Variants in KIRREL3 observed in about 807,000 individuals in gnomAD.
KIRREL3 encodes the protein kin of IRRE-like protein 3.
A neutral mutation model predicts 89.7 loss-of-function variants in KIRREL3; 36 were observed. That is an observed-to-expected ratio of 0.40 (90% CI 0.31 to 0.53). The LOEUF (loss-of-function observed/expected upper bound fraction) is 0.53, where lower values mean the gene tolerates loss of function less well. Among genes scored for constraint, KIRREL3 ranks in the 20% least tolerant of loss-of-function variants. The pLI is 0.49. For missense variants in KIRREL3, 864 were observed against 1,056.6 expected (o/e 0.82, Z 2.53); for synonymous variants, 445 against 441.4 (o/e 1.01, Z -0.10).
At chr11:126,559,303 T>C (rs1939937095) in intron 2 of KIRREL3, among the ~76,000 whole-genome samples, 2 of 152,206 alleles carry the variant, frequency 1.3e-5, no homozygotes, top group Non-Finnish European at 2.9e-5. Context: ...GGGGACTTTG[T>C]ACATTCCTCC....
chr11:126,917,910 C>T lies in KIRREL3; in HGVS notation c.55+82545G>A, dbSNP rs1947104404. On this transcript the variant is annotated intron_variant, in intron 1 of 16. Coordinates refer to ENST00000525144, the MANE Select transcript of KIRREL3 (RefSeq NM_032531.4). The surrounding 1 kb of genome is among the most constrained non-coding windows in gnomAD (Gnocchi z 5.0). ...TGCACGCTTTGGTAATTGTTGAACT[C>T]GATTTCACTTGGTGTGTGATGACAC... Among the ~76,000 whole-genome samples the T allele has an allele frequency of 1.3e-5, 2 of 152,280 alleles. No individual in the cohort carries two copies. Among genetic ancestry groups the T allele is most frequent in the African/African-American group, 2.4e-5 (1 of 41,544 alleles).
In KIRREL3 at chr11:126,904,702, AG is replaced by A. The variant is rs747999528; in HGVS notation, c.55+95752del. On this transcript the variant is annotated intron_variant, in intron 1 of 16. Coordinates refer to ENST00000525144, the MANE Select transcript of KIRREL3 (RefSeq NM_032531.4). The surrounding 1 kb of genome is among the most constrained non-coding windows in gnomAD (Gnocchi z 4.4). ...TTTAGCACAGCTATAGCTTGGGGGT[AG>A]GGGGTCAAAGGAGGAAGTATGCATA... 4.0e-4 allele frequency among the ~76,000 whole-genome samples: 61 copies of A among 152,322 alleles called. 1 individual carries two copies. Among genetic ancestry groups the A allele is most frequent in the East Asian group, 2.3e-3 (12 of 5,180 alleles).
At chr11:126,959,166 CT>C in intron 1 of KIRREL3, among the ~76,000 whole-genome samples, 1 of 152,346 alleles carries the variant, frequency 6.6e-6, no homozygotes. Flanking sequence ...AGCTTGTGGA[CT>C]AGAACAGCTC....
At chr11:126,789,383 A>G (rs1392357647) in intron 1 of KIRREL3, among the ~76,000 whole-genome samples, 1 of 152,054 alleles carries the variant, frequency 6.6e-6, no homozygotes, top group Non-Finnish European at 1.5e-5. Context: ...GCAGAAAGTG[A>G]GCAAACCCAT....
Position 126,812,278 on chromosome 11 carries a change from GT to G in KIRREL3, c.55+188176del, listed in dbSNP as rs1951416150. 6.6e-6 allele frequency among the ~76,000 whole-genome samples: 1 copy of G among 152,140 alleles called. No homozygotes were observed. Among genetic ancestry groups the G allele is most frequent in the Non-Finnish European group, 1.5e-5 (1 of 68,038 alleles). On this transcript the variant is annotated intron_variant, in intron 1 of 16. Transcript: ENST00000525144. The surrounding 1 kb of genome is among the most constrained non-coding windows in gnomAD (Gnocchi z 5.2). ...TATATGGCAGGCACTCATTACTATT[GT>G]TTTGTAGATGTGGCTGGTGATAATA...
At position 126,569,805 on chromosome 11, in the gene KIRREL3, C is replaced by A. The variant is rs528869144; in HGVS notation, c.56-6893G>T. ...GTTTTGTCTTAGTTTTGGATGTCTACCAATGGCCCTCTCATTGGTTTTTGT... is the reference window on the plus strand; with the variant it reads ...GTTTTGTCTTAGTTTTGGATGTCTAACAATGGCCCTCTCATTGGTTTTTGT... On this transcript the variant is annotated intron_variant, in intron 1 of 16. Transcript: ENST00000525144. This position sits in a 1 kb window ranked among gnomAD's most constrained non-coding sequence, Gnocchi z 6.5. Among the ~76,000 whole-genome samples, 1 of 152,220 alleles carries A rather than the reference C, an allele frequency of 6.6e-6. No individual in the cohort carries two copies. The highest frequency in any genetic ancestry group is 1.9e-4 in the East Asian group (1 of 5,184).
intron 4 of KIRREL3, among the ~76,000 whole-genome samples, chr11:126,481,072 C>T (rs949236673): frequency 6.6e-6 from 1 of 152,182 alleles, no homozygotes; most frequent in Non-Finnish European, 1.5e-5. Context: ...ACACTAGGGA[C>T]AAGAAGCTTC....
At chr11:126,960,192 G>A (rs1309619543) in intron 1 of KIRREL3, among the ~76,000 whole-genome samples, 3 of 152,094 alleles carry the variant, frequency 2.0e-5, no homozygotes, top group Non-Finnish European at 2.9e-5. Context: ...AAGTCAATTT[G>A]TTTGCCATAA....
rs747439860 is a variant in KIRREL3 at position 127,000,447 on chromosome 11, G to C, written c.55+8C>G. ...TTTCTTCCAACTCCAGCAGCGCAGG[G>C]GTCCTACCTTGACTGAAGAGGAAGA... On this transcript the variant is annotated splice_region_variant and intron_variant, in intron 1 of 16. Coordinates refer to ENST00000525144, the MANE Select transcript of KIRREL3 (RefSeq NM_032531.4). This position sits in a 1 kb window ranked among gnomAD's most constrained non-coding sequence, Gnocchi z 7.1. 7 of 1,601,016 alleles carry C rather than the reference G, an allele frequency of 4.4e-6. No individual in the cohort carries two copies. The highest frequency in any genetic ancestry group is 2.3e-5 in the East Asian group (1 of 44,194).
Position 126,623,009 on chromosome 11 carries a change from T to A in KIRREL3, c.56-60097A>T, listed in dbSNP as rs1943635394. Among the ~76,000 whole-genome samples, 1 of 152,140 alleles carries A rather than the reference T, an allele frequency of 6.6e-6. No individual in the cohort carries two copies. The highest frequency in any genetic ancestry group is 6.6e-5 in the Admixed American group (1 of 15,260). ...AGACCGAGAATTCAAACCCAGGCAA[T>A]CTGATGCTCAGAACCTAGACTCTTA... On this transcript the variant is annotated intron_variant, in intron 1 of 16. Transcript: ENST00000525144. The surrounding 1 kb of genome is among the most constrained non-coding windows in gnomAD (Gnocchi z 4.1).
At position 126,664,395 on chromosome 11, in the gene KIRREL3, G is replaced by T. The variant is rs1945558661; in HGVS notation, c.56-101483C>A. 6.6e-6 allele frequency among the ~76,000 whole-genome samples: 1 copy of T among 152,166 alleles called. No individual in the cohort carries two copies. The highest frequency in any genetic ancestry group is 6.5e-5 in the Admixed American group (1 of 15,282). Reference sequence around the variant, plus strand: ...ACGCAGAGGCAGAGAGTGAAGTCTAGTGAGACCACACGGACATGGACTTTC... The same window carrying T: ...ACGCAGAGGCAGAGAGTGAAGTCTATTGAGACCACACGGACATGGACTTTC... On this transcript the variant is annotated intron_variant, in intron 1 of 16. Transcript: ENST00000525144. This position sits in a 1 kb window ranked among gnomAD's most constrained non-coding sequence, Gnocchi z 5.4.
chr11:126,934,956 G>C (rs1344030994), intron 1 of KIRREL3: 1 of 151,726 alleles, frequency 6.6e-6, no homozygotes, highest in African/African-American at 2.4e-5. Flanking sequence ...CTACTCTGGA[G>C]GAATGGCATG....
At chr11:126,478,645 GTATGTATGTGTA>G (rs139226167) in intron 4 of KIRREL3, among the ~76,000 whole-genome samples, 13,452 of 150,514 alleles carry the variant, frequency 0.089, 1,967 homozygotes, top group African/African-American at 0.3. Flanking sequence ...GTGTATGTGT[GTATGTATGTGTA>G]TATGTATATA....
In KIRREL3 at chr11:126,734,916, G is replaced by A. The variant is rs1251101165; in HGVS notation, c.56-172004C>T. Among the ~76,000 whole-genome samples the A allele has an allele frequency of 6.6e-6, 1 of 152,168 alleles. No individual in the cohort carries two copies. The highest frequency in any genetic ancestry group is 1.5e-5 in the Non-Finnish European group (1 of 68,032). ...GCAGGATGGGGTTTGTGGTTGGAACGGTGCTGTCTTCTGGTCCAGCTGTGC... is the reference window on the plus strand; with the variant it reads ...GCAGGATGGGGTTTGTGGTTGGAACAGTGCTGTCTTCTGGTCCAGCTGTGC... On this transcript the variant is annotated intron_variant, in intron 1 of 16. Transcript: ENST00000525144. This position sits in a 1 kb window ranked among gnomAD's most constrained non-coding sequence, Gnocchi z 5.9.
rs1427003786 is a variant in KIRREL3, at chr11:126,607,872, G to A, written c.56-44960C>T. 6.6e-6 allele frequency among the ~76,000 whole-genome samples: 1 copy of A among 152,174 alleles called. No homozygotes were observed. Among genetic ancestry groups the A allele is most frequent in the Admixed American group, 6.5e-5 (1 of 15,278 alleles). On this transcript the variant is annotated intron_variant, in intron 1 of 16. Transcript: ENST00000525144. This position sits in a 1 kb window ranked among gnomAD's most constrained non-coding sequence, Gnocchi z 6.6. Reference sequence around the variant, plus strand: ...CAGAGTTGCCACCCACTGCAAGGACGAACATCACTACTGGGTCAGCTCTGC... The same window carrying A: ...CAGAGTTGCCACCCACTGCAAGGACAAACATCACTACTGGGTCAGCTCTGC...
chr11:126,956,426 C>T (rs1226961440), intron 1 of KIRREL3, among the ~76,000 whole-genome samples: 1 of 152,204 alleles, frequency 6.6e-6, no homozygotes, highest in Admixed American at 6.5e-5. Flanking sequence ...TCCATTTCCA[C>T]ATGTCTAGTC....
chr11:126,753,376 G>A (rs1356562490), intron 1 of KIRREL3, among the ~76,000 whole-genome samples: 1 of 152,192 alleles, frequency 6.6e-6, no homozygotes, highest in Non-Finnish European at 1.5e-5. Flanking sequence ...GAGCCACTTT[G>A]TTCCATCCTG....
At chr11:126,886,737 G>A (rs1945710868) in intron 1 of KIRREL3, among the ~76,000 whole-genome samples, 1 of 152,150 alleles carries the variant, frequency 6.6e-6, no homozygotes, top group African/African-American at 2.4e-5. Flanking sequence ...TAAGCATTGG[G>A]CTGGTCCTTG....
rs71048789 is a variant in KIRREL3 at position 126,455,632 on chromosome 11, CAAA to C, written c.848+714_848+716del. Among the ~76,000 whole-genome samples, 30 of 142,974 alleles carry C rather than the reference CAAA, an allele frequency of 2.1e-4. No individual in the cohort carries two copies. Among genetic ancestry groups the C allele is most frequent in the East Asian group, 1.8e-3 (9 of 4,952 alleles). 93.8% of individuals were successfully genotyped at this position (142,974 alleles called of 152,430 possible). On this transcript the variant is annotated intron_variant, in intron 7 of 16. Transcript: ENST00000525144. This position sits in a 1 kb window ranked among gnomAD's most constrained non-coding sequence, Gnocchi z 6.4. ...TGAAACGCTGTCTCTACTAAAAATA[CAAA>C]AAAAAAAAAAAATTAGCTGGCGTGG...
Sources: gnomAD v4.1 joint callset for allele counts (sites outside exome capture counted in the v4.1 genomes callset) on GRCh38, gnomAD v4.1.1 for gene constraint, Gnocchi (gnomAD v3.1) non-coding constraint, MANE v1.5 for transcripts, NCBI Gene and HGNC (gene_info 2026-07-23, HGNC 2026-07-21) for gene names.